The following ANKRD44 variants were observed in gnomAD, a reference collection of about 807,000 sequenced individuals.
ANKRD44 encodes the protein serine/threonine-protein phosphatase 6 regulatory ankyrin repeat subunit B.
Under a neutral mutation model 116.0 loss-of-function variants are expected in ANKRD44, and 35 were observed. The observed-to-expected ratio is 0.30, with a 90% CI of 0.23 to 0.40. ANKRD44 has a LOEUF of 0.40. Among genes scored for constraint, ANKRD44 ranks in the 10% least tolerant of loss-of-function variants. ANKRD44 has a pLI of 1.00. For synonymous variants in ANKRD44, 435 were observed against 461.8 expected, an observed-to-expected ratio of 0.94 and a Z score of 0.74; for missense variants, 1,014 against 1,242.6, an observed-to-expected ratio of 0.82 and a Z score of 2.77.
rs2077806786 is a variant in ANKRD44, at chr2:197,081,896, T to C, written c.1458-171A>G. ...CATGGTTCTCTCCAAAGCCATCCAG[T>C]AAATCTATTCTCTCCCAAGGATCCA... On this transcript the variant is annotated intron_variant, in intron 14 of 27. Coordinates refer to ENST00000282272, the MANE Select transcript of ANKRD44 (RefSeq NM_001195144.2). Among the ~76,000 whole-genome samples, 5 of 152,352 alleles carry C rather than the reference T, an allele frequency of 3.3e-5. No homozygotes were observed. The South Asian group carries it at 1.0e-3, about 32-fold the overall frequency.
intron 2 of ANKRD44, among the ~76,000 whole-genome samples, chr2:197,186,231 A>T (rs1001924382): frequency 5.9e-5 from 9 of 152,132 alleles, no homozygotes; most frequent in Non-Finnish European, 1.3e-4. Flanking sequence ...TTGGAAAAAA[A>T]ATTGCACCTC....
At chr2:197,298,267 G>T (rs149042379) in intron 1 of ANKRD44, among the ~76,000 whole-genome samples, 1 of 152,172 alleles carries the variant, frequency 6.6e-6, no homozygotes, top group African/African-American at 2.4e-5. Context: ...GGCAACTCTA[G>T]TATCTAAATT....
intron 1 of ANKRD44, among the ~76,000 whole-genome samples, chr2:197,267,234 T>C (rs2082765228): frequency 6.6e-6 from 1 of 152,250 alleles, no homozygotes; most frequent in African/African-American, 2.4e-5. Flanking sequence ...ATGCACATTC[T>C]GTATTTCAAG....
intron 3 of ANKRD44, among the ~76,000 whole-genome samples, chr2:197,144,125 T>C (rs1490055540): frequency 6.6e-6 from 1 of 152,144 alleles, no homozygotes; most frequent in African/African-American, 2.4e-5. Context: ...TGTAAGAAAG[T>C]GAAATTTCCA....
chr2:197,097,576 C>T (rs905733914), intron 10 of ANKRD44, among the ~76,000 whole-genome samples: 2 of 152,128 alleles, frequency 1.3e-5, no homozygotes, highest in African/African-American at 4.8e-5. Context: ...AAAAGACATC[C>T]CACTGCTAAT....
intron 1 of ANKRD44, among the ~76,000 whole-genome samples, chr2:197,211,550 A>G (rs571714427): frequency 6.6e-6 from 1 of 152,290 alleles, no homozygotes; most frequent in Admixed American, 6.5e-5. Context: ...GTGCTGCCTT[A>G]AGATATCCAT....
intron 21 of ANKRD44, among the ~76,000 whole-genome samples, chr2:196,977,001 T>TA (rs1231901209): frequency 2.0e-5 from 3 of 152,242 alleles, no homozygotes; most frequent in Admixed American, 6.5e-5. Context: ...GATCAATTTT[T>TA]AAAAAACAAT....
At chr2:197,027,098 T>C (rs975797083) in intron 16 of ANKRD44, among the ~76,000 whole-genome samples, 6 of 152,030 alleles carry the variant, frequency 3.9e-5, no homozygotes, top group Non-Finnish European at 5.9e-5. Flanking sequence ...CGGTGGCTCA[T>C]GTCTGTAATC....
chr2:197,251,609 T>C (rs2082318786), intron 1 of ANKRD44, among the ~76,000 whole-genome samples: 1 of 152,270 alleles, frequency 6.6e-6, no homozygotes, highest in Non-Finnish European at 1.5e-5. Flanking sequence ...AGTGTTTTTC[T>C]ATAGGCATGC....
intron 10 of ANKRD44, among the ~76,000 whole-genome samples, chr2:197,093,099 AACAC>A (rs147676501): frequency 9.0e-5 from 13 of 144,452 alleles, no homozygotes; most frequent in South Asian, 2.2e-4. Context: ...AATACATACA[AACAC>A]ACACACACAC....
chr2:197,014,276 A>G (rs543197260), intron 17 of ANKRD44, among the ~76,000 whole-genome samples: 1 of 152,354 alleles, frequency 6.6e-6, no homozygotes, highest in African/African-American at 2.4e-5. Context: ...TTCTTCATGT[A>G]TAAGATGAGA....
In ANKRD44 at chr2:197,219,003, C is replaced by T. The variant is rs138960559; in HGVS notation, c.28-31897G>A. ...TTGAATTCCTGACATCAGTGACCCACCTGCCTTAGCCTCCCAAAGTGCTGG... is the reference window on the plus strand; with the variant it reads ...TTGAATTCCTGACATCAGTGACCCATCTGCCTTAGCCTCCCAAAGTGCTGG... On this transcript the variant is annotated intron_variant, in intron 1 of 27. Coordinates refer to ENST00000282272, the MANE Select transcript of ANKRD44 (RefSeq NM_001195144.2). 5.3e-3 allele frequency among the ~76,000 whole-genome samples: 804 copies of T among 151,208 alleles called. 7 individuals are homozygous for T. The highest frequency in any genetic ancestry group is 0.018 in the African/African-American group (756 of 41,160).
At chr2:197,053,234 A>G (rs1574358974) in intron 16 of ANKRD44, among the ~76,000 whole-genome samples, 1 of 152,168 alleles carries the variant, frequency 6.6e-6, no homozygotes, top group South Asian at 2.1e-4. Context: ...ACCCACACCC[A>G]CATCCATTTG....
intron 1 of ANKRD44, among the ~76,000 whole-genome samples, chr2:197,187,702 T>C (rs915397333): frequency 3.3e-5 from 5 of 150,754 alleles, no homozygotes; most frequent in Non-Finnish European, 7.4e-5. Context: ...CTCTCTCTCT[T>C]TCTTCTCTCT....
At chr2:197,056,637 G>A (rs2077209168) in intron 16 of ANKRD44, among the ~76,000 whole-genome samples, 1 of 151,942 alleles carries the variant, frequency 6.6e-6, no homozygotes, top group South Asian at 2.1e-4. Flanking sequence ...AGTTTTAATG[G>A]AAATAACATT....
At chr2:197,227,524 A>G (rs1034942349) in intron 1 of ANKRD44, among the ~76,000 whole-genome samples, 1 of 152,144 alleles carries the variant, frequency 6.6e-6, no homozygotes, top group South Asian at 2.1e-4. Flanking sequence ...TCTCCTTTGC[A>G]TATTCTGCCC....
intron 16 of ANKRD44, among the ~76,000 whole-genome samples, chr2:197,060,421 T>C (rs560788712): frequency 8.1e-4 from 124 of 152,338 alleles, no homozygotes; most frequent in Non-Finnish European, 1.3e-3. Context: ...AAAAATTGCA[T>C]GTATTTAAGG....
chr2:197,277,647 A>C (rs2083130106), intron 1 of ANKRD44, among the ~76,000 whole-genome samples: 1 of 152,184 alleles, frequency 6.6e-6, no homozygotes, highest in Non-Finnish European at 1.5e-5. Context: ...CTGCAGTCCC[A>C]GATGATAGAG....
chr2:196,998,259 C>T, intron 25 of ANKRD44, 78 bp downstream of exon 25: 1 of 1,100,604 alleles, frequency 9.1e-7, no homozygotes, highest in South Asian at 1.4e-5. Context: ...CTACACAGTT[C>T]CGAGGTAGAA....
Sources: gnomAD v4.1 joint callset for allele counts (sites outside exome capture counted in the v4.1 genomes callset) on GRCh38, gnomAD v4.1.1 for gene constraint, MANE v1.5 for transcripts, NCBI Gene and HGNC (gene_info 2026-07-23, HGNC 2026-07-21) for gene names.